Variants in WDR70 observed in about 807,000 individuals in gnomAD.
WDR70 encodes WD repeat domain 70, also known as WD repeat-containing protein 70.
WDR70 carries 53 observed loss-of-function variants against 88.6 expected under a neutral mutation model. The observed-to-expected ratio is 0.60, with a 90% CI of 0.48 to 0.75. The LOEUF (loss-of-function observed/expected upper bound fraction) is 0.75, where lower values mean the gene tolerates loss of function less well. Ranked by LOEUF, WDR70 falls within the 30% of genes least tolerant of loss-of-function variation. The pLI is 0.00. For missense variants in WDR70, 610 were observed against 823.2 expected (o/e 0.74, Z 3.17); for synonymous variants, 280 against 270.0 (o/e 1.04, Z -0.36).
chr5:37,626,490 T>C (rs994008255), intron 10 of WDR70, among the ~76,000 whole-genome samples: 5 of 152,194 alleles, frequency 3.3e-5, no homozygotes, highest in Non-Finnish European at 7.3e-5. Context: ...CTCTTACTGA[T>C]GTGTTGTTAG....
chr5:37,750,461 G>A (rs752756936), intron 17 of WDR70, among the ~76,000 whole-genome samples: 25 of 152,140 alleles, frequency 1.6e-4, no homozygotes, highest in African/African-American at 2.2e-4. Flanking sequence ...ACTTGAGCCC[G>A]GAAGTTCAGT....
At chr5:37,515,207 C>T (rs1311146146) in intron 8 of WDR70, among the ~76,000 whole-genome samples, 1 of 152,108 alleles carries the variant, frequency 6.6e-6, no homozygotes, top group African/African-American at 2.4e-5. Context: ...TCAAGAATAG[C>T]TGGTGGATTG....
chr5:37,475,467 A>G (rs1739452035), intron 7 of WDR70, among the ~76,000 whole-genome samples: 1 of 150,770 alleles, frequency 6.6e-6, no homozygotes, highest in Non-Finnish European at 1.5e-5. Context: ...TGAACTCCCT[A>G]TCTCAGGTGA....
intron 10 of WDR70, among the ~76,000 whole-genome samples, chr5:37,671,799 A>G (rs898641326): frequency 5.9e-5 from 9 of 152,126 alleles, no homozygotes; most frequent in African/African-American, 1.7e-4. Flanking sequence ...ATTATTGACA[A>G]TTTCCAGAGG....
chr5:37,528,565 A>G (rs569379), intron 9 of WDR70, among the ~76,000 whole-genome samples: 132,378 of 151,916 alleles, frequency 0.87, 59,039 homozygotes, highest in East Asian at 1. Flanking sequence ...CCAACATGGC[A>G]CATGTAAACA....
chr5:37,582,953 G>T (rs1010159992), intron 9 of WDR70, among the ~76,000 whole-genome samples: 3 of 152,210 alleles, frequency 2.0e-5, no homozygotes, highest in Non-Finnish European at 2.9e-5. Flanking sequence ...TGCTGCTTAG[G>T]TGGTTCCACT....
intron 7 of WDR70, among the ~76,000 whole-genome samples, chr5:37,468,378 A>G (rs1222042461): frequency 6.6e-6 from 1 of 152,168 alleles, no homozygotes; most frequent in Non-Finnish European, 1.5e-5. Context: ...TTACAAATAT[A>G]TTTTTTATTT....
intron 7 of WDR70, among the ~76,000 whole-genome samples, chr5:37,445,576 A>C (rs1738439450): frequency 6.6e-6 from 1 of 152,202 alleles, no homozygotes; most frequent in African/African-American, 2.4e-5. Context: ...CAGCACATCA[A>C]AAAGCTTATC....
chr5:37,526,465 T>G (rs1487094686), intron 9 of WDR70, among the ~76,000 whole-genome samples: 1 of 152,102 alleles, frequency 6.6e-6, no homozygotes, highest in Non-Finnish European at 1.5e-5. Flanking sequence ...ATAAATTAGG[T>G]ATTGATGGGA....
rs1381369704 is a variant in WDR70 at position 37,750,867 on chromosome 5, C to T, written c.1878-1619C>T. ...TATGTCTTTATTAGCAGCGTGAGAA[C>T]AGTCTAATACAGAGAATAACACCTT... is the stretch of plus-strand genomic sequence containing the variant. On this transcript the variant is annotated intron_variant, in intron 17 of 17. Coordinates refer to ENST00000265107, the MANE Select transcript of WDR70 (RefSeq NM_018034.4). 1.3e-5 allele frequency among the ~76,000 whole-genome samples: 2 copies of T among 152,200 alleles called. 1 individual carries two copies. The highest frequency in any genetic ancestry group is 1.3e-4 in the Admixed American group (2 of 15,280).
chr5:37,406,886 G>A (rs946915854), intron 5 of WDR70, among the ~76,000 whole-genome samples: 1 of 152,090 alleles, frequency 6.6e-6, no homozygotes, highest in African/African-American at 2.4e-5. Context: ...AGACATTTTT[G>A]CCAGTTAAAC....
At chr5:37,610,284 AAT>A (rs1554157890) in intron 10 of WDR70, among the ~76,000 whole-genome samples, 1 of 149,662 alleles carries the variant, frequency 6.7e-6, no homozygotes, top group African/African-American at 2.5e-5. Flanking sequence ...AAAAAAAAAA[AAT>A]TTGTTTTTAT....
intron 9 of WDR70, among the ~76,000 whole-genome samples, chr5:37,563,136 C>G (rs1276714599): frequency 1.6e-5 from 1 of 63,232 alleles, no homozygotes; most frequent in African/African-American, 4.5e-5. Flanking sequence ...GCTGACCTCC[C>G]GGCCTCCCTC....
At chr5:37,485,726 C>G (rs1193862523) in intron 8 of WDR70, among the ~76,000 whole-genome samples, 3 of 152,066 alleles carry the variant, frequency 2.0e-5, no homozygotes, top group Non-Finnish European at 2.9e-5. Flanking sequence ...GAATCTCACT[C>G]TGTTGCTCAG....
intron 8 of WDR70, among the ~76,000 whole-genome samples, chr5:37,498,176 T>C (rs1469276827): frequency 1.3e-5 from 2 of 152,208 alleles, no homozygotes; most frequent in African/African-American, 4.8e-5. Context: ...CTCTATTCAT[T>C]TGCTTATGAA....
At chr5:37,721,285 C>T (rs1214462560) in intron 14 of WDR70, 70 bp downstream of exon 14, 36 of 1,365,590 alleles carry the variant, frequency 2.6e-5, no homozygotes, top group Admixed American at 1.2e-4. Flanking sequence ...CTCCCACCCC[C>T]GCTTTTATTT....
chr5:37,434,200 A>C (rs1561850689), intron 5 of WDR70, among the ~76,000 whole-genome samples: 1 of 152,114 alleles, frequency 6.6e-6, no homozygotes, highest in African/African-American at 2.4e-5. Context: ...CTTATAAAAA[A>C]CCATCAGATC....
intron 17 of WDR70, among the ~76,000 whole-genome samples, chr5:37,734,125 C>T (rs1748233805): frequency 6.6e-6 from 1 of 151,994 alleles, no homozygotes; most frequent in Admixed American, 6.6e-5. Context: ...AGTGTACCTC[C>T]TCCTTTCCAA....
chr5:37,696,215 A>C (rs1035979597), intron 10 of WDR70, among the ~76,000 whole-genome samples: 1 of 152,186 alleles, frequency 6.6e-6, no homozygotes, highest in Non-Finnish European at 1.5e-5. Context: ...TGAATCAATG[A>C]ATTCTTTGTA....
Sources: gnomAD v4.1 joint callset for allele counts (sites outside exome capture counted in the v4.1 genomes callset) on GRCh38, gnomAD v4.1.1 for gene constraint, MANE v1.5 for transcripts, NCBI Gene and HGNC (gene_info 2026-07-23, HGNC 2026-07-21) for gene names.